ROR2: variants seen among roughly 807,000 people sequenced by gnomAD.
ROR2 encodes the protein tyrosine-protein kinase transmembrane receptor ROR2.
A neutral mutation model predicts 74.9 loss-of-function variants in ROR2; 33 were observed. The ratio of observed to expected loss-of-function variants is 0.44; its 90% confidence interval spans 0.33 to 0.59. The LOEUF (loss-of-function observed/expected upper bound fraction) is 0.59, where lower values mean the gene tolerates loss of function less well. Among genes scored for constraint, ROR2 ranks in the 20% least tolerant of loss-of-function variants. The pLI is 0.02. For synonymous variants in ROR2, 586 were observed against 558.7 expected, an observed-to-expected ratio of 1.05 and a Z score of -0.69; for missense variants, 1,216 against 1,313.8, an observed-to-expected ratio of 0.93 and a Z score of 1.15.
At position 91,884,475 on chromosome 9, in the gene ROR2, TAA is replaced by T. The variant is rs34401137; in HGVS notation, c.97+65390_97+65391del. ...CTCTCCACTTACCTTTGATTACCTT[TAA>T]AAAAAAAAAAAAAGGCTTGCGGGGG... On this transcript the variant is annotated intron_variant, in intron 1 of 8. Transcript: ENST00000375708. 3.0e-3 allele frequency among the ~76,000 whole-genome samples: 415 copies of T among 137,826 alleles called. 5 individuals are homozygous for T. The highest frequency in any genetic ancestry group is 1.0e-2 in the African/African-American group (377 of 37,770). 90.4% of individuals were successfully genotyped at this position (137,826 alleles called of 152,430 possible). A position where few individuals can be genotyped will look rare whatever the true frequency, so the allele number is the denominator to read the frequency against.
At chr9:91,860,722 CA>C (rs1554684723) in intron 1 of ROR2, among the ~76,000 whole-genome samples, 1 of 152,206 alleles carries the variant, frequency 6.6e-6, no homozygotes, top group Non-Finnish European at 1.5e-5. Context: ...GGGAGAGAGA[CA>C]CCTTTTTTGT....
chr9:91,755,613 G>C (rs760262496), intron 4 of ROR2, among the ~76,000 whole-genome samples: 3 of 152,206 alleles, frequency 2.0e-5, no homozygotes. Flanking sequence ...TGTGAGCCTC[G>C]GTCTCCTCAT....
chr9:91,924,170 C>T (rs28524099), intron 1 of ROR2, among the ~76,000 whole-genome samples: 21,657 of 152,130 alleles, frequency 0.14, 3,400 homozygotes, highest in African/African-American at 0.39. Flanking sequence ...CACTTGAGGG[C>T]AAGGTCTTTG....
At chr9:91,806,387 G>A (rs929038484) in intron 1 of ROR2, among the ~76,000 whole-genome samples, 33 of 152,030 alleles carry the variant, frequency 2.2e-4, no homozygotes, top group African/African-American at 7.7e-4. Flanking sequence ...CTAATCTCAC[G>A]TATGAGGGTT....
intron 1 of ROR2, among the ~76,000 whole-genome samples, chr9:91,910,114 C>G (rs1229206426): frequency 2.6e-5 from 4 of 152,018 alleles, no homozygotes; most frequent in Non-Finnish European, 5.9e-5. Context: ...CCCACCTCAG[C>G]CTCCCAAAGT....
chr9:91,939,675 A>C (rs1057424214), intron 1 of ROR2, among the ~76,000 whole-genome samples: 5 of 152,122 alleles, frequency 3.3e-5, no homozygotes, highest in African/African-American at 1.2e-4. Flanking sequence ...AAGAAGGAGA[A>C]AATTGAGTAT....
intron 1 of ROR2, among the ~76,000 whole-genome samples, chr9:91,817,652 C>T (rs1827987620): frequency 6.6e-6 from 1 of 152,194 alleles, no homozygotes; most frequent in Non-Finnish European, 1.5e-5. Flanking sequence ...CCCCCTTCGC[C>T]TGCCAGGCAC....
intron 1 of ROR2, among the ~76,000 whole-genome samples, chr9:91,804,738 G>A (rs1436473982): frequency 6.6e-6 from 1 of 152,104 alleles, no homozygotes; most frequent in Non-Finnish European, 1.5e-5. Flanking sequence ...ATTCAGAGTG[G>A]GGGGGTGGTC....
chr9:91,934,288 GA>G (rs1325114443), intron 1 of ROR2, among the ~76,000 whole-genome samples: 1 of 152,186 alleles, frequency 6.6e-6, no homozygotes, highest in Non-Finnish European at 1.5e-5. Flanking sequence ...GCAGTCCAGT[GA>G]AAACTTACAG....
chr9:91,758,607 G>A (rs1170416641), intron 2 of ROR2, among the ~76,000 whole-genome samples: 1 of 152,166 alleles, frequency 6.6e-6, no homozygotes, highest in Non-Finnish European at 1.5e-5. Flanking sequence ...GGGCACACAG[G>A]GTCTTAAAGC....
At chr9:91,772,737 A>G (rs1826275669) in intron 2 of ROR2, among the ~76,000 whole-genome samples, 1 of 152,224 alleles carries the variant, frequency 6.6e-6, no homozygotes, top group Non-Finnish European at 1.5e-5. Context: ...ATGGGAACGC[A>G]CTGAACACAC....
rs144167211 is a variant in ROR2 at position 91,914,688 on chromosome 9, T to A, written c.97+35179A>T. ...CCCCGCCCCCCTTACATCTCATTGG[T>A]CAGAACCAGGACCTGCAGTCACAGA... On this transcript the variant is annotated intron_variant, in intron 1 of 8. Coordinates refer to ENST00000375708, the MANE Select transcript of ROR2 (RefSeq NM_004560.4). Among the ~76,000 whole-genome samples, 388 of 152,216 alleles carry A rather than the reference T, an allele frequency of 2.5e-3. 1 individual carries two copies. The highest frequency in any genetic ancestry group is 9.1e-3 in the African/African-American group (376 of 41,514).
intron 7 of ROR2, among the ~76,000 whole-genome samples, chr9:91,727,051 CTGA>C (rs2118647985): frequency 6.6e-6 from 1 of 152,290 alleles, no homozygotes; most frequent in Non-Finnish European, 1.5e-5. Flanking sequence ...CTTTCTGTTC[CTGA>C]TGTTTGAATA....
intron 1 of ROR2, among the ~76,000 whole-genome samples, chr9:91,786,558 C>A (rs1467908218): frequency 1.3e-5 from 2 of 152,082 alleles, no homozygotes; most frequent in African/African-American, 4.8e-5. Context: ...TCCCACTGCC[C>A]CTCCCTCCCC....
intron 1 of ROR2, among the ~76,000 whole-genome samples, chr9:91,848,043 C>A (rs1030024435): frequency 1.2e-4 from 18 of 152,164 alleles, no homozygotes; most frequent in Non-Finnish European, 2.4e-4. Context: ...AGAGCCTTAT[C>A]ACCTGGGGCA....
chr9:91,903,748 G>A (rs984805054), intron 1 of ROR2, among the ~76,000 whole-genome samples: 4 of 152,110 alleles, frequency 2.6e-5, no homozygotes, highest in Non-Finnish European at 1.5e-5. Flanking sequence ...AAAAACAAAC[G>A]CAATTGGCTT....
At chr9:91,817,127 C>G (rs1304902137) in intron 1 of ROR2, among the ~76,000 whole-genome samples, 1 of 152,204 alleles carries the variant, frequency 6.6e-6, no homozygotes, top group Non-Finnish European at 1.5e-5. Flanking sequence ...GAGCTGACAT[C>G]TGCCGTTTCA....
intron 1 of ROR2, among the ~76,000 whole-genome samples, chr9:91,947,373 C>G (rs917061827): frequency 6.6e-6 from 1 of 152,202 alleles, no homozygotes; most frequent in Non-Finnish European, 1.5e-5. Flanking sequence ...TAAGCAGGAT[C>G]TCACAATTAT....
intron 1 of ROR2, among the ~76,000 whole-genome samples, chr9:91,865,504 T>C (rs1022482977): frequency 2.0e-5 from 3 of 152,198 alleles, no homozygotes; most frequent in African/African-American, 7.2e-5. Flanking sequence ...AGACAAGTCA[T>C]TTCATTTTTA....
Sources: gnomAD v4.1 joint callset for allele counts (sites outside exome capture counted in the v4.1 genomes callset) on GRCh38, gnomAD v4.1.1 for gene constraint, MANE v1.5 for transcripts, NCBI Gene and HGNC (gene_info 2026-07-23, HGNC 2026-07-21) for gene names.